The following GTF3C1 variants were observed in gnomAD, a reference collection of about 807,000 sequenced individuals.
GTF3C1 encodes the protein general transcription factor IIIC subunit 1, also known as general transcription factor 3C polypeptide 1.
A neutral mutation model predicts 226.7 loss-of-function variants in GTF3C1; 57 were observed. The observed-to-expected ratio is 0.25, with a 90% CI of 0.20 to 0.31. GTF3C1 has a LOEUF of 0.31. GTF3C1 is among the 10% of genes least tolerant of loss of function. The pLI is 1.00. For synonymous variants in GTF3C1, 1,090 were observed against 1,084.8 expected (o/e 1.00, Z -0.09); for missense variants, 2,217 against 2,776.1 (o/e 0.80, Z 4.53).
At chr16:27,530,225 A>G (rs894217831) in intron 5 of GTF3C1, among the ~76,000 whole-genome samples, 7 of 152,210 alleles carry the variant, frequency 4.6e-5, no homozygotes, top group African/African-American at 1.7e-4. Context: ...GGCAGAACAT[A>G]TGGCTATCAA....
chr16:27,475,798 C>G (rs2087943098), intron 29 of GTF3C1, among the ~76,000 whole-genome samples: 1 of 152,194 alleles, frequency 6.6e-6, no homozygotes, highest in Admixed American at 6.5e-5. Flanking sequence ...CAGTGACCTC[C>G]CACAACCAGA....
intron 9 of GTF3C1, 22 bp from the exon 10 acceptor site, chr16:27,506,138 G>A: frequency 6.9e-7 from 1 of 1,453,024 alleles, no homozygotes; most frequent in Non-Finnish European, 9.7e-7. Flanking sequence ...GGAAGAGATA[G>A]AACAAATCAA....
chr16:27,496,163 C>G (rs1022880507), intron 14 of GTF3C1, among the ~76,000 whole-genome samples: 1 of 152,132 alleles, frequency 6.6e-6, no homozygotes, highest in African/African-American at 2.4e-5. Context: ...GCCTGCCCCC[C>G]TTCACCTTCT....
At position 27,492,307 on chromosome 16, in the gene GTF3C1, G is replaced by A; in HGVS notation, c.3151+31C>T. The A allele has an allele frequency of 7.2e-7, 1 of 1,384,822 alleles. No homozygotes were observed. Among genetic ancestry groups the A allele is most frequent in the Non-Finnish European group, 1.0e-6 (1 of 992,412 alleles). The allele number at this position is 1,384,822 out of a possible 1,614,324, so 85.8% of individuals were successfully genotyped here. A position where few individuals can be genotyped will look rare whatever the true frequency, so the allele number is the denominator to read the frequency against. ...TAGCACACAGAAAGGAGCAAAAGCA[G>A]CCAGGTTCAGCCGAGACAGCCGACA... On this transcript the variant is annotated intron_variant, in intron 19 of 36. Transcript: ENST00000356183. The surrounding 1 kb of genome is among the most constrained non-coding windows in gnomAD (Gnocchi z 5.0).
chr16:27,549,861 T>G lies in GTF3C1; in HGVS notation c.30A>C (p.Glu10Asp), dbSNP rs145978655. ...GGCCATCGAGCCCCTCCAGAGCGAC[T>G]TCGTCCAACAACGACTCCAGCGCGT... MDALESLLD[E>D]VALEGLDGLC... Residue 10 changes from glutamate (E) to aspartate (D), a missense_variant, in exon 1 of 37, where the codon GAA becomes GAC. Physicochemically the swap from Glu to Asp is conservative, Grantham distance 45. Around this residue, in one of 12 missense-constraint regions of GTF3C1, gnomAD observed 192 missense variants for 251.8 expected, o/e 0.76. Coordinates refer to ENST00000356183, the MANE Select transcript of GTF3C1 (RefSeq NM_001520.4). 3.1e-6 allele frequency: 5 copies of G among 1,612,826 alleles called. No homozygotes were observed. In the East Asian group the frequency reaches 1.1e-4, roughly 36 times the overall value.
At chr16:27,483,266 C>T in intron 25 of GTF3C1, 141 bp from the exon 26 acceptor site, 1 of 787,978 alleles carries the variant, frequency 1.3e-6, no homozygotes, top group East Asian at 2.7e-5. Context: ...TGCACAACTG[C>T]AGCTTTTACG....
chr16:27,488,485 A>G, intron 22 of GTF3C1, 69 bp downstream of exon 22: 3 of 1,550,628 alleles, frequency 1.9e-6, no homozygotes, highest in Non-Finnish European at 2.7e-6. Flanking sequence ...CAAACCGAAC[A>G]TAGGGTAGTC....
At position 27,498,705 on chromosome 16, in the gene GTF3C1, T is replaced by C. The variant is rs751444679; in HGVS notation, c.2090A>G (p.Asp697Gly). The C allele has an allele frequency of 6.2e-7, 1 of 1,600,424 alleles. No homozygotes were observed. Among genetic ancestry groups the C allele is most frequent in the Non-Finnish European group, 8.6e-7 (1 of 1,167,564 alleles). The change falls in exon 13 of 37, where the codon GAC becomes GGC. Residue 697 changes from aspartate (D) to glycine (G), a missense_variant. By Grantham distance (94) the Asp-to-Gly change is moderately conservative. Coordinates refer to ENST00000356183, the MANE Select transcript of GTF3C1 (RefSeq NM_001520.4). Reference protein sequence around the residue: ...KVDLVVHPSMDQNDPLVRSAI... With the variant: ...KVDLVVHPSMGQNDPLVRSAI... ...ACTTCTCACTAGAGGGTCGTTCTGG[T>C]CCATGGACGGGTGCACCACCAGATC...
intron 24 of GTF3C1, 70 bp from the exon 25 acceptor site, chr16:27,484,423 A>G: frequency 1.8e-6 from 2 of 1,110,622 alleles, no homozygotes; most frequent in Non-Finnish European, 2.7e-6. Flanking sequence ...AATTACCATA[A>G]AAAAGTGGAC....
Position 27,484,225 on chromosome 16 carries a change from G to C in GTF3C1, c.3987C>G (p.Ala1329=), listed in dbSNP as rs765591768. The part of the protein sequence containing the change: ...RARYIVKNPQ[A]YLNYKVCLAE... ...ATGAGGCTTACTTATAGTTGAGATA[G>C]GCCTGTGGGTTTTTGACTATGTAGC... Residue 1329 remains alanine, a synonymous_variant, in exon 25 of 37, where the codon GCC becomes GCG. Coordinates refer to ENST00000356183, the MANE Select transcript of GTF3C1 (RefSeq NM_001520.4). The C allele has an allele frequency of 1.0e-5, 16 of 1,607,072 alleles. No homozygotes were observed. The highest frequency in any genetic ancestry group is 3.3e-4 in the Middle Eastern group (2 of 6,076).
Position 27,469,775 on chromosome 16 carries a change from G to A in GTF3C1, c.4815-225C>T, listed in dbSNP as rs760074697. ...CTTGTCACATAGCTGTATCTCTGTG[G>A]GGACTGTTCCTTTTGCCCGTCTCTC... is the stretch of plus-strand genomic sequence containing the variant. On this transcript the variant is annotated intron_variant, in intron 31 of 36. Transcript: ENST00000356183. This position sits in a 1 kb window ranked among gnomAD's most constrained non-coding sequence, Gnocchi z 4.5. 6.6e-6 allele frequency among the ~76,000 whole-genome samples: 1 copy of A among 152,072 alleles called. No homozygotes were observed. Among genetic ancestry groups the A allele is most frequent in the East Asian group, 1.9e-4 (1 of 5,184 alleles).
Position 27,471,787 on chromosome 16 carries a change from A to T in GTF3C1, c.4487T>A (p.Phe1496Tyr). The change falls in exon 30 of 37, where the codon TTC (phenylalanine) becomes TAC (tyrosine). Residue 1496 changes from phenylalanine (F) to tyrosine (Y), a missense_variant. Phe to Tyr is a conservative substitution (Grantham distance 22, BLOSUM62 3). This residue lies in a region of GTF3C1 where 546 missense variants were observed against 663.0 expected (regional missense o/e 0.82). Coordinates refer to ENST00000356183, the MANE Select transcript of GTF3C1 (RefSeq NM_001520.4). This position sits in a 1 kb window ranked among gnomAD's most constrained non-coding sequence, Gnocchi z 5.0. ...GGATAGCTGGTAGGACATTGGCACG[A>T]AGGGGAGGGCCCGGTTCTTCTTGGG... ...LGPKKNRALP[F>Y]VPMSYQLSQT... 6.2e-7 allele frequency: 1 copy of T among 1,614,058 alleles called. No homozygotes were observed. Among genetic ancestry groups the T allele is most frequent in the Admixed American group, 1.7e-5 (1 of 60,018 alleles).
Position 27,463,334 on chromosome 16 carries a change from G to A in GTF3C1, c.5924+207C>T, listed in dbSNP as rs2087732554. The A allele has an allele frequency of 6.6e-6, 4 of 604,630 alleles. No individual in the cohort carries two copies. Among genetic ancestry groups the A allele is most frequent in the Non-Finnish European group, 8.8e-6 (3 of 341,054 alleles). 37.5% of individuals were successfully genotyped at this position (604,630 alleles called of 1,614,324 possible). A position where few individuals can be genotyped will look rare whatever the true frequency, so the allele number is the denominator to read the frequency against. On this transcript the variant is annotated intron_variant, in intron 35 of 36. Transcript: ENST00000356183. This position sits in a 1 kb window ranked among gnomAD's most constrained non-coding sequence, Gnocchi z 4.9. ...TTCTGGAAGCGCAGCCCTCATTCCAGGCCGACCTGGGCACTGCCAGTGCTC... is the reference window on the plus strand; with the variant it reads ...TTCTGGAAGCGCAGCCCTCATTCCAAGCCGACCTGGGCACTGCCAGTGCTC...
chr16:27,530,243 C>T (rs947197932), intron 5 of GTF3C1, among the ~76,000 whole-genome samples: 2 of 152,214 alleles, frequency 1.3e-5, no homozygotes, highest in Non-Finnish European at 2.9e-5. Flanking sequence ...CAAAACAATA[C>T]AGATGACTCA....
chr16:27,482,981 G>A (rs983341419), intron 26 of GTF3C1, 63 bp downstream of exon 26: 21 of 1,372,398 alleles, frequency 1.5e-5, no homozygotes, highest in Non-Finnish European at 1.7e-5. Flanking sequence ...GAGAGGAGCT[G>A]ACTGAAGTCT....
chr16:27,473,498 A>G (rs1182459604), intron 29 of GTF3C1, among the ~76,000 whole-genome samples: 2 of 152,222 alleles, frequency 1.3e-5, no homozygotes, highest in Non-Finnish European at 2.9e-5. Flanking sequence ...TCATGGTCTA[A>G]GGATTTTAGG....
intron 14 of GTF3C1, among the ~76,000 whole-genome samples, chr16:27,496,226 A>G (rs1349474115): frequency 1.3e-5 from 2 of 152,094 alleles, no homozygotes; most frequent in African/African-American, 4.8e-5. Flanking sequence ...AAATGCTGGC[A>G]CCATGCTTCC....
chr16:27,464,932 GT>G, intron 33 of GTF3C1, 96 bp from the exon 34 acceptor site: 1 of 1,080,346 alleles, frequency 9.3e-7, no homozygotes, highest in South Asian at 1.7e-5. Context: ...TGACTGGCGG[GT>G]TGAGTGCCCT....
At chr16:27,513,655 C>T (rs986177822) in intron 6 of GTF3C1, among the ~76,000 whole-genome samples, 5 of 152,110 alleles carry the variant, frequency 3.3e-5, no homozygotes, top group Admixed American at 6.5e-5. Flanking sequence ...AACACTGCCC[C>T]GCAAACATCT....
Sources: allele counts gnomAD v4.1 joint callset (sites outside exome capture counted in the v4.1 genomes callset), GRCh38; gene constraint gnomAD v4.1.1; regional missense constraint gnomAD v4.1.1; non-coding constraint Gnocchi (gnomAD v3.1); transcripts MANE v1.5; gene names NCBI Gene and HGNC (gene_info 2026-07-23, HGNC 2026-07-21).